The following EIF2A variants were observed in gnomAD, a reference collection of about 807,000 sequenced individuals.
EIF2A encodes eukaryotic translation initiation factor 2A.
A neutral mutation model predicts 75.2 loss-of-function variants in EIF2A; 62 were observed. That is an observed-to-expected ratio of 0.82 (90% CI 0.67 to 1.02). The LOEUF is 1.02. Among genes scored for constraint, EIF2A ranks in the 50% least tolerant of loss-of-function variants. The probability of loss-of-function intolerance (pLI) is 0.00; values close to 1 mark genes in which losing one functional copy is unlikely to be tolerated. For missense variants in EIF2A, 611 were observed against 677.7 expected (o/e 0.90, Z 1.09); for synonymous variants, 207 against 239.0 (o/e 0.87, Z 1.23).
At chr3:150,562,719 G>GC (rs1723957408) in intron 4 of EIF2A, 59 bp downstream of exon 4, 1 of 1,259,304 alleles carries the variant, frequency 7.9e-7, no homozygotes, top group African/African-American at 1.5e-5. Flanking sequence ...TAGTGGGGGG[G>GC]AAAAAGTTAT....
At chr3:150,580,732 T>C (rs1725138391) in intron 11 of EIF2A, among the ~76,000 whole-genome samples, 1 of 152,188 alleles carries the variant, frequency 6.6e-6, no homozygotes, top group Non-Finnish European at 1.5e-5. Context: ...ACTCTGCACT[T>C]TGGGACCATT....
At chr3:150,550,137 G>T (rs199604812) in intron 1 of EIF2A, among the ~76,000 whole-genome samples, 2 of 49,282 alleles carry the variant, frequency 4.1e-5, no homozygotes, top group African/African-American at 8.6e-5. Flanking sequence ...TTTATTTGTT[G>T]TCTTAAAAGA....
intron 10 of EIF2A, among the ~76,000 whole-genome samples, chr3:150,574,177 G>A (rs2107956583): frequency 6.6e-6 from 1 of 152,188 alleles, no homozygotes; most frequent in South Asian, 2.1e-4. Context: ...ATTAAAATGT[G>A]TTCATCAAAA....
At chr3:150,580,926 T>TA (rs1261149912) in intron 11 of EIF2A, among the ~76,000 whole-genome samples, 3 of 152,220 alleles carry the variant, frequency 2.0e-5, no homozygotes, top group African/African-American at 7.2e-5. Context: ...GCTTAAAACT[T>TA]ATGAATTGTT....
intron 11 of EIF2A, among the ~76,000 whole-genome samples, chr3:150,578,417 TATA>T (rs1183103223): frequency 6.0e-5 from 9 of 149,930 alleles, no homozygotes; most frequent in African/African-American, 2.2e-4. Flanking sequence ...ATTTAATTAA[TATA>T]ATGAAATTAT....
chr3:150,560,932 A>G (rs1237028070), intron 3 of EIF2A, among the ~76,000 whole-genome samples: 4 of 152,138 alleles, frequency 2.6e-5, no homozygotes, highest in African/African-American at 9.6e-5. Flanking sequence ...AAATGAGAAA[A>G]TGTACATAAA....
chr3:150,572,159 G>A lies in EIF2A; in HGVS notation c.1013G>A (p.Arg338Lys). 1 of 1,613,932 alleles carries A rather than the reference G, an allele frequency of 6.2e-7. No individual in the cohort carries two copies. Among genetic ancestry groups the A allele is most frequent in the East Asian group, 2.2e-5 (1 of 44,888 alleles). ...ILVLAGFGNL[R>K]GQMEVWDVKN... ...GTATTAGCTGGATTTGGAAATCTGAGGGGACAAATGGAAGTGTGGGATGTG... is the reference window on the plus strand; with the variant it reads ...GTATTAGCTGGATTTGGAAATCTGAAGGGACAAATGGAAGTGTGGGATGTG... The change falls in exon 10 of 14, where the codon AGG becomes AAG. Residue 338 changes from arginine to lysine, a missense_variant. Transcript: ENST00000460851.
chr3:150,563,051 GGTAGAGTC>G (rs1421869706), intron 4 of EIF2A: 1 of 180,776 alleles, frequency 5.5e-6, no homozygotes, highest in African/African-American at 2.4e-5. Flanking sequence ...GGATGTGTAT[GGTAGAGTC>G]GAAAATGTTG....
rs994208361 is a variant in EIF2A, at chr3:150,585,866, C to G, written c.*1955C>G. ...AAGAAAAGACACCAGAGAGCTTGTTCTGTCTCTTTGGGCCATGTGAAGACA... is the reference window on the plus strand; with the variant it reads ...AAGAAAAGACACCAGAGAGCTTGTTGTGTCTCTTTGGGCCATGTGAAGACA... On this transcript the variant is annotated 3_prime_UTR_variant, in exon 14 of 14. Coordinates refer to ENST00000460851, the MANE Select transcript of EIF2A (RefSeq NM_032025.5). 6.6e-6 allele frequency among the ~76,000 whole-genome samples: 1 copy of G among 152,172 alleles called. No homozygotes were observed. Among genetic ancestry groups the G allele is most frequent in the Non-Finnish European group, 1.5e-5 (1 of 68,044 alleles).
intron 6 of EIF2A, among the ~76,000 whole-genome samples, chr3:150,565,590 G>A (rs939215195): frequency 1.3e-5 from 2 of 152,006 alleles, no homozygotes; most frequent in East Asian, 1.9e-4. Flanking sequence ...TTTTTCGAGA[G>A]TGGGCCTCAT....
At chr3:150,551,073 C>T (rs573776653) in intron 1 of EIF2A, among the ~76,000 whole-genome samples, 1 of 152,132 alleles carries the variant, frequency 6.6e-6, no homozygotes, top group Admixed American at 6.5e-5. Context: ...GTTAACTGTT[C>T]TCCTTGCTTG....
At chr3:150,558,299 T>G in intron 2 of EIF2A, 89 bp from the exon 3 acceptor site, 1 of 1,152,756 alleles carries the variant, frequency 8.7e-7, no homozygotes. Context: ...GTTATTAAAT[T>G]GATAGTGAAA....
intron 1 of EIF2A, 98 bp downstream of exon 1, chr3:150,546,928 C>G (rs140669404): frequency 6.5e-7 from 1 of 1,542,328 alleles, no homozygotes; most frequent in Admixed American, 1.8e-5. Flanking sequence ...GGAGTCTGAT[C>G]TGCCTTTTCT....
At position 150,572,236 on chromosome 3, in the gene EIF2A, GC is replaced by G; in HGVS notation, c.1091del (p.Ala364ValfsTer10). On this transcript the variant is annotated frameshift_variant, in exon 10 of 14. Coordinates refer to ENST00000460851, the MANE Select transcript of EIF2A (RefSeq NM_032025.5). LOFTEE classifies it high-confidence loss of function. ...GGTGGCTTCTGATTCTACATATTTT[GC>G]TTGGTGCCCGGATGGTGAGCATATT... ...KPVASDSTYF[A>X]WCPDGEHILT... 2.5e-6 allele frequency: 4 copies of G among 1,613,918 alleles called. No homozygotes were observed. The highest frequency in any genetic ancestry group is 3.4e-6 in the Non-Finnish European group (4 of 1,179,876).
chr3:150,558,618 A>T (rs1379407738), intron 3 of EIF2A, 156 bp downstream of exon 3: 2 of 532,588 alleles, frequency 3.8e-6, no homozygotes, highest in East Asian at 7.5e-5. Context: ...AATACCTTCA[A>T]AGTTGTTCAT....
At chr3:150,576,437 AAAG>A (rs1353317520) in intron 11 of EIF2A, among the ~76,000 whole-genome samples, 1 of 152,204 alleles carries the variant, frequency 6.6e-6, no homozygotes, top group African/African-American at 2.4e-5. Context: ...CTCGAAAAAA[AAAG>A]AAAAAAAGCA....
At chr3:150,566,144 A>C (rs900880051) in intron 6 of EIF2A, 3 of 152,044 alleles carry the variant, frequency 2.0e-5, no homozygotes, top group African/African-American at 7.2e-5. Context: ...TATGTGTTTC[A>C]GTCCATTGTA....
intron 9 of EIF2A, among the ~76,000 whole-genome samples, chr3:150,569,705 C>A (rs1724393761): frequency 6.6e-6 from 1 of 151,952 alleles, no homozygotes; most frequent in African/African-American, 2.4e-5. Context: ...ATCCTAGCTA[C>A]TCGGGAGGCT....
intron 3 of EIF2A, chr3:150,558,770 T>C (rs1723702463): frequency 6.0e-6 from 1 of 167,910 alleles, no homozygotes; most frequent in Non-Finnish European, 1.3e-5. Flanking sequence ...AAATCTGCAG[T>C]AACACTGAGA....
Sources: allele counts gnomAD v4.1 joint callset (sites outside exome capture counted in the v4.1 genomes callset), GRCh38; gene constraint gnomAD v4.1.1; transcripts MANE v1.5; gene names NCBI Gene and HGNC (gene_info 2026-07-23, HGNC 2026-07-21).